The following PHF3 variants were observed in gnomAD, a reference collection of about 807,000 sequenced individuals.
PHF3 encodes the protein PHD finger protein 3.
Under a neutral mutation model 178.4 loss-of-function variants are expected in PHF3, and 41 were observed. The ratio of observed to expected loss-of-function variants is 0.23; its 90% CI spans 0.18 to 0.30. PHF3 has a LOEUF of 0.30. PHF3 is among the 10% of genes least tolerant of loss of function. The pLI is 1.00. For missense variants in PHF3, 2,346 were observed against 2,398.1 expected (o/e 0.98, Z 0.45); for synonymous variants, 842 against 800.5 (o/e 1.05, Z -0.88).
chr6:63,636,839 C>T (rs1350358625), intron 1 of PHF3: 2 of 151,942 alleles, frequency 1.3e-5, no homozygotes, highest in Non-Finnish European at 2.9e-5. Flanking sequence ...GTTAATGGTG[C>T]TAAATAACTG....
At chr6:63,662,010 C>T (rs990621176) in intron 2 of PHF3, among the ~76,000 whole-genome samples, 3 of 152,116 alleles carry the variant, frequency 2.0e-5, no homozygotes, top group Admixed American at 1.3e-4. Context: ...GCTTGAGTTC[C>T]ACCTCCTGTC....
rs577592636 is a variant in PHF3, at chr6:63,703,720, G to T, written c.3367+49G>T. 9 of 1,548,318 alleles carry T rather than the reference G, an allele frequency of 5.8e-6. No individual in the cohort carries two copies. The Admixed American group carries it at 1.6e-4, about 28-fold the overall frequency. On this transcript the variant is annotated intron_variant, in intron 11 of 15. Transcript: ENST00000262043. ...AAATTTTGCATTCATTATGAAAGAA[G>T]GATACTTAGATACTAGTATATGTAA... is the stretch of plus-strand genomic sequence containing the variant.
chr6:63,717,023 C>T lies in PHF3; in HGVS notation c.*3315C>T, dbSNP rs1768211203. 6.6e-6 allele frequency among the ~76,000 whole-genome samples: 1 copy of T among 152,078 alleles called. No individual in the cohort carries two copies. The highest frequency in any genetic ancestry group is 2.4e-5 in the African/African-American group (1 of 41,426). ...ATTATCATCTACCAACAGCCCTTGA[C>T]TTACTAATTGTAGTTTATTGTGGGT... On this transcript the variant is annotated 3_prime_UTR_variant, in exon 16 of 16. Coordinates refer to ENST00000262043, the MANE Select transcript of PHF3 (RefSeq NM_001370348.2).
intron 3 of PHF3, 24 bp from the exon 4 acceptor site, chr6:63,684,101 TTTTA>T (rs1766558743): frequency 6.7e-7 from 1 of 1,494,174 alleles, no homozygotes; most frequent in Non-Finnish European, 9.1e-7. Context: ...AGCTAAGTAT[TTTTA>T]TTTATTTTTT....
Position 63,711,566 on chromosome 6 carries a change from A to T in PHF3, c.3998-20A>T. 1 of 1,535,082 alleles carries T rather than the reference A, an allele frequency of 6.5e-7. No homozygotes were observed. The highest frequency in any genetic ancestry group is 8.8e-7 in the Non-Finnish European group (1 of 1,142,246). On this transcript the variant is annotated intron_variant, in intron 15 of 15. Coordinates refer to ENST00000262043, the MANE Select transcript of PHF3 (RefSeq NM_001370348.2). ...ATGATTGAAAATGATGAATTAATTG[A>T]TGTTTTTGGTTTTATACAGGGCTTG...
chr6:63,712,254 A>G lies in PHF3; in HGVS notation c.4666A>G (p.Thr1556Ala), dbSNP rs758750790. 9.3e-6 allele frequency: 15 copies of G among 1,614,090 alleles called. No homozygotes were observed. The South Asian group carries it at 1.5e-4, about 17-fold the overall frequency. ...CTCTTCCATTTCTGCAGGGTCTTTGACGAGTCTTAGTCTCAGAGGTAAGCC... is the reference window on the plus strand; with the variant it reads ...CTCTTCCATTTCTGCAGGGTCTTTGGCGAGTCTTAGTCTCAGAGGTAAGCC... ...GSSSISAGSL[T>A]SLSLRGKPPD... The change falls in exon 16 of 16, where the codon ACG becomes GCG. Residue 1556 changes from threonine (T) to alanine (A), a missense_variant. Coordinates refer to ENST00000262043, the MANE Select transcript of PHF3 (RefSeq NM_001370348.2).
intron 2 of PHF3, among the ~76,000 whole-genome samples, chr6:63,651,905 T>A (rs1325211524): frequency 6.6e-6 from 1 of 152,216 alleles, no homozygotes; most frequent in East Asian, 1.9e-4. Context: ...TTAGTTAGTA[T>A]TCCATTGTGT....
chr6:63,670,995 G>A (rs114367161), intron 2 of PHF3, among the ~76,000 whole-genome samples: 2,814 of 152,054 alleles, frequency 0.019, 40 homozygotes, highest in Non-Finnish European at 0.027. Context: ...ATATATTTGA[G>A]TAAATGGAAC....
Position 63,636,071 on chromosome 6 carries a change from C to A in PHF3, c.-105C>A. On this transcript the variant is annotated 5_prime_UTR_variant, in exon 1 of 16. Transcript: ENST00000262043. ...CCTCTCCGCGGCACCCACCGGGCCC[C>A]CTCCTCCTCCTCTTCGGCGGCGGCA... 2.6e-6 allele frequency: 1 copy of A among 381,872 alleles called. No homozygotes were observed. The highest frequency in any genetic ancestry group is 4.6e-6 in the Non-Finnish European group (1 of 215,738). The allele number at this position is 381,872 out of a possible 1,614,324, so 23.7% of individuals were successfully genotyped here.
At chr6:63,639,916 A>G (rs1290767895) in intron 1 of PHF3, among the ~76,000 whole-genome samples, 1 of 152,220 alleles carries the variant, frequency 6.6e-6, no homozygotes, top group Non-Finnish European at 1.5e-5. Flanking sequence ...TATAATGCCA[A>G]TATAGTTGTA....
chr6:63,702,601 G>A lies in PHF3; in HGVS notation c.3193G>A (p.Ala1065Thr). ...HKGEIEIESD[A>T]PMKEQEAAME... ...AGGTGAAATAGAAATTGAGAGTGATGCCCCAATGAAAGAACAGGAAGCAGC... is the reference window on the plus strand; with the variant it reads ...AGGTGAAATAGAAATTGAGAGTGATACCCCAATGAAAGAACAGGAAGCAGC... The change falls in exon 10 of 16, where the codon GCC (alanine) becomes ACC (threonine). Residue 1065 changes from alanine to threonine, a missense_variant. By Grantham distance (58) the Ala-to-Thr change is moderately conservative. Around this residue, in one of 8 missense-constraint regions of PHF3, gnomAD observed 205 missense variants for 212.4 expected, o/e 0.97. Transcript: ENST00000262043. 1 of 1,613,110 alleles carries A rather than the reference G, an allele frequency of 6.2e-7. No individual in the cohort carries two copies. The highest frequency in any genetic ancestry group is 8.5e-7 in the Non-Finnish European group (1 of 1,179,408).
chr6:63,669,745 A>G (rs77251290), intron 2 of PHF3, among the ~76,000 whole-genome samples: 1 of 152,222 alleles, frequency 6.6e-6, no homozygotes, highest in Non-Finnish European at 1.5e-5. Context: ...TAAACTGTTC[A>G]TAAGAGGCCA....
intron 8 of PHF3, 126 bp downstream of exon 8, chr6:63,698,731 A>G (rs545290772): frequency 1.6e-6 from 1 of 632,408 alleles, no homozygotes; most frequent in Non-Finnish European, 2.5e-6. Flanking sequence ...TTTGATGTAG[A>G]ACATGTAATT....
At chr6:63,678,239 A>T (rs1020910477) in intron 2 of PHF3, among the ~76,000 whole-genome samples, 1 of 152,038 alleles carries the variant, frequency 6.6e-6, no homozygotes, top group African/African-American at 2.4e-5. Context: ...AAAGAAAAAA[A>T]AACAAAAAAC....
chr6:63,720,389 C>A lies in PHF3; in HGVS notation c.*6681C>A. 1 of 478,410 alleles carries A rather than the reference C, an allele frequency of 2.1e-6. No homozygotes were observed. Among genetic ancestry groups the A allele is most frequent in the South Asian group, 4.9e-5 (1 of 20,520 alleles). The allele number at this position is 478,410 out of a possible 1,614,324, so 29.6% of individuals were successfully genotyped here. A position where few individuals can be genotyped will look rare whatever the true frequency, so the allele number is the denominator to read the frequency against. On this transcript the variant is annotated 3_prime_UTR_variant, in exon 16 of 16. Coordinates refer to ENST00000262043, the MANE Select transcript of PHF3 (RefSeq NM_001370348.2). The stretch of plus-strand genomic sequence containing the variant: ...GAACTAATGGAGTTAAAACATGAAT[C>A]AAAATATATACAGATAAATTAGATG...
chr6:63,682,276 C>CT (rs1766472118), intron 3 of PHF3, among the ~76,000 whole-genome samples: 1 of 152,104 alleles, frequency 6.6e-6, no homozygotes, highest in Non-Finnish European at 1.5e-5. Flanking sequence ...AAGCATCTGT[C>CT]TTCATTCCCA....
intron 2 of PHF3, among the ~76,000 whole-genome samples, chr6:63,669,121 T>A (rs1765801948): frequency 6.6e-6 from 1 of 152,222 alleles, no homozygotes; most frequent in African/African-American, 2.4e-5. Flanking sequence ...TGACCTTGAT[T>A]AGTGGACAGA....
At chr6:63,659,672 T>C (rs1765385993) in intron 2 of PHF3, among the ~76,000 whole-genome samples, 1 of 152,210 alleles carries the variant, frequency 6.6e-6, no homozygotes, top group Admixed American at 6.5e-5. Flanking sequence ...TTTTGGTATT[T>C]GCATTATACT....
chr6:63,667,696 G>A (rs1017657508), intron 2 of PHF3, among the ~76,000 whole-genome samples: 1 of 152,106 alleles, frequency 6.6e-6, no homozygotes, highest in Admixed American at 6.6e-5. Flanking sequence ...TTGTATTTCC[G>A]AAGTCTCTGC....
Sources: allele counts gnomAD v4.1 joint callset (sites outside exome capture counted in the v4.1 genomes callset), GRCh38; gene constraint gnomAD v4.1.1; regional missense constraint gnomAD v4.1.1; transcripts MANE v1.5; gene names NCBI Gene and HGNC (gene_info 2026-07-23, HGNC 2026-07-21).